The following CTNND2 variants were observed in gnomAD, a reference collection of about 807,000 sequenced individuals.
CTNND2 encodes catenin delta 2.
In CTNND2, 22 loss-of-function variants were observed where a neutral mutation model predicts 144.4. That is an observed-to-expected ratio of 0.15 (90% CI 0.11 to 0.22). CTNND2 has a LOEUF of 0.22. CTNND2 is among the 10% of genes least tolerant of loss of function. CTNND2 has a pLI of 1.00. For synonymous variants in CTNND2, 751 were observed against 695.6 expected (o/e 1.08, Z -1.25); for missense variants, 1,353 against 1,618.8 (o/e 0.84, Z 2.82).
intron 21 of CTNND2, among the ~76,000 whole-genome samples, chr5:10,975,355 C>T (rs61752735): frequency 7.0e-4 from 106 of 152,220 alleles, no homozygotes; most frequent in African/African-American, 2.5e-3. Context: ...CAACATTTAG[C>T]AAATTCTTTA....
chr5:11,589,757 C>T (rs953542068), intron 2 of CTNND2, among the ~76,000 whole-genome samples: 2 of 152,186 alleles, frequency 1.3e-5, no homozygotes, highest in Non-Finnish European at 2.9e-5. Flanking sequence ...TTTTTATTGA[C>T]CTTTGTACCA....
chr5:11,430,227 C>G (rs1763157795), intron 3 of CTNND2, among the ~76,000 whole-genome samples: 1 of 107,132 alleles, frequency 9.3e-6, no homozygotes, highest in Non-Finnish European at 1.7e-5. Context: ...CCAGCCTGGG[C>G]AACAGGGTTA....
chr5:11,490,038 G>C (rs181675217), intron 3 of CTNND2, among the ~76,000 whole-genome samples: 1 of 152,134 alleles, frequency 6.6e-6, no homozygotes, highest in African/African-American at 2.4e-5. Flanking sequence ...GTGAATTCAT[G>C]CTGATAGGTG....
chr5:11,644,122 C>G (rs1488255274), intron 2 of CTNND2, among the ~76,000 whole-genome samples: 1 of 151,976 alleles, frequency 6.6e-6, no homozygotes, highest in African/African-American at 2.4e-5. Context: ...TTTGGCTGTT[C>G]TTCTCCACAG....
At chr5:11,510,735 AGCCTGG>A (rs1771555499) in intron 3 of CTNND2, among the ~76,000 whole-genome samples, 1 of 152,224 alleles carries the variant, frequency 6.6e-6, no homozygotes, top group African/African-American at 2.4e-5. Context: ...GTTCAAGACC[AGCCTGG>A]CCAACATGGT....
rs534023959 is a variant in CTNND2 at position 11,146,441 on chromosome 5, C to T, written c.2159+13135G>A. On this transcript the variant is annotated intron_variant, in intron 12 of 21. Transcript: ENST00000304623. ...CCCAGCTTCGAATTTTGGTTTGTGG[C>T]TTTCTACCAAGGGCTCCAGGGTAAA... 2.0e-4 allele frequency among the ~76,000 whole-genome samples: 31 copies of T among 152,284 alleles called. No individual in the cohort carries two copies. In the South Asian group the frequency reaches 6.0e-3, roughly 30 times the overall value.
At chr5:11,033,407 T>C (rs114630448) in intron 16 of CTNND2, among the ~76,000 whole-genome samples, 1,969 of 152,338 alleles carry the variant, frequency 0.013, 34 homozygotes, top group African/African-American at 0.045. Context: ...GACTGATAAA[T>C]GGAGCTCCCA....
intron 7 of CTNND2, among the ~76,000 whole-genome samples, chr5:11,382,380 C>G (rs567501483): frequency 6.6e-6 from 1 of 152,212 alleles, no homozygotes; most frequent in East Asian, 1.9e-4. Context: ...GAGCAGATCA[C>G]TTGAGGTCAG....
At chr5:11,814,896 A>C (rs530430075) in intron 1 of CTNND2, among the ~76,000 whole-genome samples, 2 of 152,348 alleles carry the variant, frequency 1.3e-5, no homozygotes, top group South Asian at 4.1e-4. Flanking sequence ...CATTATCATG[A>C]TCAATAAAAG....
intron 16 of CTNND2, among the ~76,000 whole-genome samples, chr5:11,067,521 A>G (rs1290419711): frequency 6.6e-6 from 1 of 152,232 alleles, no homozygotes; most frequent in East Asian, 1.9e-4. Context: ...TAGGTCCCAG[A>G]GGTTAGCCAA....
At chr5:11,590,998 T>C (rs1779208781) in intron 2 of CTNND2, among the ~76,000 whole-genome samples, 1 of 152,244 alleles carries the variant, frequency 6.6e-6, no homozygotes, top group Non-Finnish European at 1.5e-5. Flanking sequence ...TACTTAGGTA[T>C]TGATTGACAC....
intron 1 of CTNND2, among the ~76,000 whole-genome samples, chr5:11,853,421 G>A (rs1255590022): frequency 6.6e-6 from 1 of 152,104 alleles, no homozygotes; most frequent in African/African-American, 2.4e-5. Context: ...CCAGGGCTCA[G>A]TGGTCTTACC....
intron 3 of CTNND2, among the ~76,000 whole-genome samples, chr5:11,488,541 T>C (rs1290665858): frequency 6.6e-6 from 1 of 152,188 alleles, no homozygotes; most frequent in African/African-American, 2.4e-5. Flanking sequence ...GCAGCTTAAG[T>C]AAAAACATGA....
chr5:11,431,766 C>T (rs892585872), intron 3 of CTNND2, among the ~76,000 whole-genome samples: 12 of 152,158 alleles, frequency 7.9e-5, no homozygotes, highest in Non-Finnish European at 1.6e-4. Context: ...AAAAGAACCA[C>T]CCAGACATGC....
intron 18 of CTNND2, among the ~76,000 whole-genome samples, chr5:11,008,325 C>T (rs1740701547): frequency 6.6e-6 from 1 of 152,008 alleles, no homozygotes; most frequent in African/African-American, 2.4e-5. Context: ...CCCAGTAGGC[C>T]CAATGTCATC....
chr5:11,041,697 T>C (rs1744712745), intron 16 of CTNND2, among the ~76,000 whole-genome samples: 1 of 152,138 alleles, frequency 6.6e-6, no homozygotes, highest in Non-Finnish European at 1.5e-5. Flanking sequence ...AATAAACAAA[T>C]TGCATGAGGC....
intron 1 of CTNND2, among the ~76,000 whole-genome samples, chr5:11,809,467 G>T (rs1413327807): frequency 6.6e-6 from 1 of 152,094 alleles, no homozygotes; most frequent in East Asian, 1.9e-4. Context: ...TTACCTAACT[G>T]AATTTACTCA....
intron 9 of CTNND2, among the ~76,000 whole-genome samples, chr5:11,240,156 TCA>T (rs1174304497): frequency 2.6e-4 from 8 of 30,262 alleles, no homozygotes; most frequent in East Asian, 9.6e-4. Context: ...ACACACACAT[TCA>T]CACACACACC....
intron 3 of CTNND2, among the ~76,000 whole-genome samples, chr5:11,493,139 C>A (rs1041550385): frequency 6.6e-6 from 1 of 152,084 alleles, no homozygotes; most frequent in Non-Finnish European, 1.5e-5. Flanking sequence ...TTTATTCATG[C>A]AATTATTCTT....
Sources: allele counts gnomAD v4.1 joint callset (sites outside exome capture counted in the v4.1 genomes callset), GRCh38; gene constraint gnomAD v4.1.1; transcripts MANE v1.5; gene names NCBI Gene and HGNC (gene_info 2026-07-23, HGNC 2026-07-21).